PTPRD: variants seen among roughly 807,000 people sequenced by gnomAD.
PTPRD encodes the protein receptor-type tyrosine-protein phosphatase delta.
A neutral mutation model predicts 214.5 loss-of-function variants in PTPRD; 34 were observed. That is an observed-to-expected ratio of 0.16 (90% confidence interval 0.12 to 0.21). PTPRD has a LOEUF of 0.21. PTPRD is among the 10% of genes least tolerant of loss of function. The probability of loss-of-function intolerance (pLI) is 1.00; values close to 1 mark genes in which losing one functional copy is unlikely to be tolerated. For missense variants in PTPRD, 2,545 were observed against 2,398.7 expected, an observed-to-expected ratio of 1.06 and a Z score of -1.27; for synonymous variants, 1,128 against 845.7, an observed-to-expected ratio of 1.33 and a Z score of -5.79.
intron 2 of PTPRD, among the ~76,000 whole-genome samples, chr9:10,612,151 G>T (rs554453021): frequency 6.5e-5 from 9 of 139,508 alleles, no homozygotes; most frequent in African/African-American, 2.1e-4. Context: ...TTAAAAATCA[G>T]TTTTCCAGTA....
chr9:10,194,627 T>C (rs922067755), intron 3 of PTPRD, among the ~76,000 whole-genome samples: 4 of 151,612 alleles, frequency 2.6e-5, no homozygotes, highest in African/African-American at 7.3e-5. Context: ...ATAGAAGCAC[T>C]ATAAATTATT....
At chr9:9,259,848 G>T (rs754075112) in intron 9 of PTPRD, among the ~76,000 whole-genome samples, 1 of 151,824 alleles carries the variant, frequency 6.6e-6, no homozygotes, top group Non-Finnish European at 1.5e-5. Context: ...CCCAACAAAG[G>T]GCAATCAGAG....
At chr9:8,358,657 T>C (rs1345437141) in intron 39 of PTPRD, among the ~76,000 whole-genome samples, 1 of 152,192 alleles carries the variant, frequency 6.6e-6, no homozygotes, top group African/African-American at 2.4e-5. Context: ...CTTTTTTCTA[T>C]GAATTGAGGA....
At chr9:9,269,214 A>T (rs796719128) in intron 9 of PTPRD, among the ~76,000 whole-genome samples, 1 of 151,394 alleles carries the variant, frequency 6.6e-6, no homozygotes, top group African/African-American at 2.4e-5. Flanking sequence ...ACCTGAACAG[A>T]CATTTTCAGG....
At chr9:8,942,943 G>A (rs1482738230) in intron 11 of PTPRD, among the ~76,000 whole-genome samples, 1 of 152,108 alleles carries the variant, frequency 6.6e-6, no homozygotes, top group Non-Finnish European at 1.5e-5. Flanking sequence ...ATTCAGTAAA[G>A]TTGCAGGATA....
At chr9:8,321,384 AC>A (rs1240104618) in intron 44 of PTPRD, among the ~76,000 whole-genome samples, 2 of 150,332 alleles carry the variant, frequency 1.3e-5, no homozygotes, top group African/African-American at 4.9e-5. Flanking sequence ...TTATCATCTT[AC>A]TTTAATAAGT....
At position 10,005,470 on chromosome 9, in the gene PTPRD, C is replaced by CA. The variant is rs528881850; in HGVS notation, c.-472+28247dup. ...GCCTGGACAAGTAGCAGAACATTGTCAAAATTATTATTGTTTCTGTTTTTT... is the reference window on the plus strand; with the variant it reads ...GCCTGGACAAGTAGCAGAACATTGTCAAAAATTATTATTGTTTCTGTTTTTT... On this transcript the variant is annotated intron_variant, in intron 4 of 45. Transcript: ENST00000381196. Among the ~76,000 whole-genome samples the CA allele has an allele frequency of 1.7e-4, 26 of 152,170 alleles. No individual in the cohort carries two copies. The South Asian group carries it at 5.2e-3, about 30-fold the overall frequency.
At chr9:8,352,339 G>A (rs528349690) in intron 39 of PTPRD, among the ~76,000 whole-genome samples, 123 of 152,318 alleles carry the variant, frequency 8.1e-4, no homozygotes, top group African/African-American at 2.8e-3. Context: ...ATAATTGGTA[G>A]TTGACTTGAA....
intron 11 of PTPRD, among the ~76,000 whole-genome samples, chr9:8,851,311 A>C (rs1287876226): frequency 6.6e-6 from 1 of 152,214 alleles, no homozygotes; most frequent in Admixed American, 6.5e-5. Flanking sequence ...GGAATATATT[A>C]ATAAAATTTA....
chr9:9,418,015 C>A (rs1277439878), intron 8 of PTPRD, among the ~76,000 whole-genome samples: 2 of 152,048 alleles, frequency 1.3e-5, no homozygotes, highest in South Asian at 4.1e-4. Flanking sequence ...CACTCAAATT[C>A]TCTAAAAATT....
chr9:9,156,081 A>G (rs1282700763), intron 10 of PTPRD, among the ~76,000 whole-genome samples: 2 of 152,190 alleles, frequency 1.3e-5, no homozygotes, highest in Non-Finnish European at 2.9e-5. Context: ...GGCAATATTT[A>G]TTCACAGTTC....
chr9:10,561,824 T>C (rs1054362118), intron 2 of PTPRD, among the ~76,000 whole-genome samples: 1 of 152,156 alleles, frequency 6.6e-6, no homozygotes, highest in African/African-American at 2.4e-5. Context: ...CTCTTGGCTT[T>C]TAATATTAAT....
intron 32 of PTPRD, 69 bp downstream of exon 32, chr9:8,465,395 CCA>C: frequency 7.0e-7 from 1 of 1,425,602 alleles, no homozygotes; most frequent in Non-Finnish European, 9.7e-7. Context: ...CCACAAATCC[CCA>C]AATAACCACA....
chr9:9,733,557 T>C (rs1202251480), intron 7 of PTPRD, among the ~76,000 whole-genome samples: 3 of 152,150 alleles, frequency 2.0e-5, no homozygotes, highest in Non-Finnish European at 2.9e-5. Flanking sequence ...CATTTGGTTT[T>C]AGGAAGATAA....
intron 14 of PTPRD, among the ~76,000 whole-genome samples, chr9:8,564,902 C>G (rs1236551545): frequency 1.3e-5 from 2 of 152,104 alleles, no homozygotes; most frequent in Admixed American, 6.6e-5. Context: ...TTAATCCATG[C>G]TAGCCACATT....
chr9:8,546,251 C>T (rs888176805), intron 14 of PTPRD, among the ~76,000 whole-genome samples: 2 of 152,126 alleles, frequency 1.3e-5, no homozygotes, highest in South Asian at 2.1e-4. Context: ...GATGAGAGAG[C>T]TAGAAACCAG....
At chr9:9,244,554 C>A (rs1264801278) in intron 9 of PTPRD, among the ~76,000 whole-genome samples, 1 of 152,188 alleles carries the variant, frequency 6.6e-6, no homozygotes, top group African/African-American at 2.4e-5. Flanking sequence ...CCCTATTTAA[C>A]AAATGGTTAT....
chr9:8,613,360 G>GT (rs1458834646), intron 14 of PTPRD, among the ~76,000 whole-genome samples: 11 of 152,230 alleles, frequency 7.2e-5, no homozygotes, highest in African/African-American at 2.2e-4. Context: ...AATGCTAAGG[G>GT]TGTAAACATT....
chr9:9,773,091 T>A lies in PTPRD; in HGVS notation c.-367-6240A>T, dbSNP rs2098766522. ...CAAAGATAACTTACTGTCATATGAA[T>A]ATCAAGTGAATTTTATGGTTTTAGA... is the stretch of plus-strand genomic sequence containing the variant. On this transcript the variant is annotated intron_variant, in intron 5 of 45. Coordinates refer to ENST00000381196, the MANE Select transcript of PTPRD (RefSeq NM_002839.4). Among the ~76,000 whole-genome samples, 3 of 152,290 alleles carry A rather than the reference T, an allele frequency of 2.0e-5. No homozygotes were observed. In the South Asian group the frequency reaches 6.2e-4, roughly 32 times the overall value.
Sources: allele counts gnomAD v4.1 joint callset (sites outside exome capture counted in the v4.1 genomes callset), GRCh38; gene constraint gnomAD v4.1.1; transcripts MANE v1.5; gene names NCBI Gene and HGNC (gene_info 2026-07-23, HGNC 2026-07-21).